PTAR1: variants seen among roughly 807,000 people sequenced by gnomAD.
PTAR1 encodes protein prenyltransferase alpha subunit repeat-containing protein 1.
A neutral mutation model predicts 45.5 loss-of-function variants in PTAR1; 17 were observed. The ratio of observed to expected loss-of-function variants is 0.37; its 90% CI spans 0.26 to 0.56. The LOEUF (loss-of-function observed/expected upper bound fraction) is 0.56, where lower values mean the gene tolerates loss of function less well. Among genes scored for constraint, PTAR1 ranks in the 20% least tolerant of loss-of-function variants. The pLI is 0.77. For missense variants in PTAR1, 391 were observed against 476.3 expected (o/e 0.82, Z 1.67); for synonymous variants, 169 against 171.3 (o/e 0.99, Z 0.11).
intron 1 of PTAR1, among the ~76,000 whole-genome samples, chr9:69,756,617 C>A (rs1184725698): frequency 6.6e-6 from 1 of 152,150 alleles, no homozygotes; most frequent in Admixed American, 6.5e-5. Flanking sequence ...GGTCAATTCA[C>A]TGCTCCCTGT....
At chr9:69,731,260 A>G (rs1004858623) in intron 5 of PTAR1, among the ~76,000 whole-genome samples, 5 of 152,134 alleles carry the variant, frequency 3.3e-5, no homozygotes, top group African/African-American at 1.2e-4. Context: ...TTAAAATTAC[A>G]TAACACTTCC....
intron 5 of PTAR1, 106 bp downstream of exon 5, chr9:69,732,033 G>T: frequency 1.3e-6 from 1 of 743,038 alleles, no homozygotes; most frequent in Non-Finnish European, 2.2e-6. Context: ...CAAGTTGCCA[G>T]ACCATCAGTT....
chr9:69,726,942 T>C (rs1244144924), intron 5 of PTAR1, among the ~76,000 whole-genome samples: 2 of 151,642 alleles, frequency 1.3e-5, no homozygotes, highest in South Asian at 2.1e-4. Flanking sequence ...TTTTTAAAGA[T>C]TGGGAGTCAA....
intron 3 of PTAR1, among the ~76,000 whole-genome samples, chr9:69,735,422 A>C (rs1172809641): frequency 1.3e-5 from 2 of 152,222 alleles, no homozygotes; most frequent in South Asian, 4.1e-4. Context: ...TTATTCAGGG[A>C]CTAATGATAG....
chr9:69,723,884 C>A (rs560246038), intron 5 of PTAR1, among the ~76,000 whole-genome samples: 21 of 152,032 alleles, frequency 1.4e-4, no homozygotes, highest in African/African-American at 4.8e-4. Context: ...TCATCCTTTC[C>A]CTAGACCTTG....
At position 69,718,575 on chromosome 9, in the gene PTAR1, T is replaced by C. The variant is rs1431464703; in HGVS notation, c.983-7A>G. 1 of 1,613,592 alleles carries C rather than the reference T, an allele frequency of 6.2e-7. No individual in the cohort carries two copies. Among genetic ancestry groups the C allele is most frequent in the Non-Finnish European group, 8.5e-7 (1 of 1,179,648 alleles). On this transcript the variant is annotated splice_region_variant and splice_polypyrimidine_tract_variant and intron_variant, in intron 7 of 7. Transcript: ENST00000340434. The stretch of plus-strand genomic sequence containing the variant: ...TGAGACAGCTGGGAGCCTGCTGGGA[T>C]AAGGTGCAAGTCACTCAAAGTCCCC...
At chr9:69,722,578 T>C (rs1268006402) in intron 6 of PTAR1, among the ~76,000 whole-genome samples, 1 of 152,056 alleles carries the variant, frequency 6.6e-6, no homozygotes, top group Non-Finnish European at 1.5e-5. Flanking sequence ...GCATACCTTA[T>C]TCTTGGGGTC....
In PTAR1 at chr9:69,741,841, A is replaced by G; in HGVS notation, c.274T>C (p.Cys92Arg). The part of the protein sequence containing the change: ...LNRDELIDVT[C>R]TLLLLNPDFT... ...TCTGGGTTTAGAAGCAGCAGGGTAC[A>G]TGTGACATCTATCAATTCTAAAATA... The change falls in exon 3 of 8, where the codon TGT (cysteine) becomes CGT (arginine). Residue 92 changes from cysteine (C) to arginine (R), a missense_variant. Coordinates refer to ENST00000340434, the MANE Select transcript of PTAR1 (RefSeq NM_001099666.2). 6.3e-7 allele frequency: 1 copy of G among 1,596,610 alleles called. No individual in the cohort carries two copies. Among genetic ancestry groups the G allele is most frequent in the Non-Finnish European group, 8.6e-7 (1 of 1,168,924 alleles).
In PTAR1 at chr9:69,712,015, G is replaced by A. The variant is rs1008127069; in HGVS notation, c.*6327C>T. On this transcript the variant is annotated 3_prime_UTR_variant, in exon 8 of 8. Coordinates refer to ENST00000340434, the MANE Select transcript of PTAR1 (RefSeq NM_001099666.2). ...TAAGAAAAAAATACCTGCTCCAAATGCAAGATGATATTTGTAAGGGAGGAT... is the reference window on the plus strand; with the variant it reads ...TAAGAAAAAAATACCTGCTCCAAATACAAGATGATATTTGTAAGGGAGGAT... 3 of 152,058 alleles carry A rather than the reference G, an allele frequency of 2.0e-5. No homozygotes were observed. The highest frequency in any genetic ancestry group is 4.4e-5 in the Non-Finnish European group (3 of 67,960). 9.4% of individuals were successfully genotyped at this position (152,058 alleles called of 1,614,324 possible).
chr9:69,747,562 T>A (rs574500138), intron 2 of PTAR1, among the ~76,000 whole-genome samples: 59 of 152,226 alleles, frequency 3.9e-4, no homozygotes, highest in Non-Finnish European at 5.7e-4. Context: ...GCAAAGGAAA[T>A]TTGACAAGAA....
chr9:69,752,307 C>T (rs1342217284), intron 1 of PTAR1, among the ~76,000 whole-genome samples: 3 of 152,034 alleles, frequency 2.0e-5, no homozygotes, highest in Non-Finnish European at 4.4e-5. Context: ...GGGCCACTAT[C>T]ACAAATTGGT....
At chr9:69,725,694 A>G (rs1410704794) in intron 5 of PTAR1, among the ~76,000 whole-genome samples, 1 of 152,030 alleles carries the variant, frequency 6.6e-6, no homozygotes, top group Non-Finnish European at 1.5e-5. Flanking sequence ...TCCCTAAGAT[A>G]TAAAGATGCA....
intron 2 of PTAR1, among the ~76,000 whole-genome samples, chr9:69,746,381 C>G (rs1435199022): frequency 6.6e-6 from 1 of 152,218 alleles, no homozygotes; most frequent in Admixed American, 6.5e-5. Flanking sequence ...AAATCCAGGT[C>G]TGCTGTCCTG....
intron 2 of PTAR1, among the ~76,000 whole-genome samples, chr9:69,749,892 G>C (rs536826026): frequency 2.0e-5 from 3 of 152,088 alleles, no homozygotes; most frequent in Admixed American, 6.6e-5. Context: ...GTAGACCCTT[G>C]GTAATGGCTA....
At chr9:69,735,480 A>G (rs1825745470) in intron 3 of PTAR1, among the ~76,000 whole-genome samples, 1 of 152,138 alleles carries the variant, frequency 6.6e-6, no homozygotes, top group Non-Finnish European at 1.5e-5. Flanking sequence ...TTTTTTCCCC[A>G]AATATTTTCT....
At chr9:69,719,155 A>C (rs945217080) in intron 6 of PTAR1, among the ~76,000 whole-genome samples, 1 of 152,172 alleles carries the variant, frequency 6.6e-6, no homozygotes, top group African/African-American at 2.4e-5. Flanking sequence ...TACTTTAATA[A>C]AAATAACATA....
chr9:69,726,932 T>G (rs1461765799), intron 5 of PTAR1, among the ~76,000 whole-genome samples: 1 of 151,880 alleles, frequency 6.6e-6, no homozygotes, highest in Non-Finnish European at 1.5e-5. Context: ...TCTTTTTTTT[T>G]TTTTAAAGAT....
chr9:69,748,850 CTT>C (rs1299215888), intron 2 of PTAR1, among the ~76,000 whole-genome samples: 7 of 152,026 alleles, frequency 4.6e-5, no homozygotes, highest in Non-Finnish European at 8.8e-5. Context: ...CCAAAATTCA[CTT>C]TCTTATATTT....
chr9:69,746,781 C>T (rs942454017), intron 2 of PTAR1, among the ~76,000 whole-genome samples: 1 of 152,186 alleles, frequency 6.6e-6, no homozygotes, highest in Admixed American at 6.5e-5. Flanking sequence ...AAGGATGCTA[C>T]AGAAGTTGGA....
Sources: allele counts gnomAD v4.1 joint callset (sites outside exome capture counted in the v4.1 genomes callset), GRCh38; gene constraint gnomAD v4.1.1; transcripts MANE v1.5; gene names NCBI Gene and HGNC (gene_info 2026-07-23, HGNC 2026-07-21).